SHISA9: variants seen among roughly 807,000 people sequenced by gnomAD.
SHISA9 encodes shisa family member 9, also known as protein shisa-9.
Under a neutral mutation model 38.0 loss-of-function variants are expected in SHISA9, and 13 were observed. The observed-to-expected ratio is 0.34, with a 90% CI of 0.22 to 0.54. The LOEUF is 0.54. SHISA9 is among the 20% of genes least tolerant of loss of function. The pLI is 0.91. For missense variants in SHISA9, 538 were observed against 575.8 expected (o/e 0.93, Z 0.67); for synonymous variants, 275 against 242.0 (o/e 1.14, Z -1.27).
At position 12,909,051 on chromosome 16, in the gene SHISA9, TC is replaced by T. The variant is rs771344379; in HGVS notation, c.563+6425del. 3 of 997,510 alleles carry T rather than the reference TC, an allele frequency of 3.0e-6. No individual in the cohort carries two copies. In the East Asian group the frequency reaches 3.3e-4, roughly 108 times the overall value. 61.8% of individuals were successfully genotyped at this position (997,510 alleles called of 1,614,324 possible). A position where few individuals can be genotyped will look rare whatever the true frequency, so the allele number is the denominator to read the frequency against. Reference sequence around the variant, plus strand: ...CAGTTTCTCTCCTGCCTCTCATCTTTCTATGCATTTGTGGTTATCCTAAGGC... The same window carrying T: ...CAGTTTCTCTCCTGCCTCTCATCTTTTATGCATTTGTGGTTATCCTAAGGC... On this transcript the variant is annotated intron_variant, in intron 1 of 4. Transcript: ENST00000558583.
intron 2 of SHISA9, among the ~76,000 whole-genome samples, chr16:13,183,975 C>A (rs115221168): frequency 6.9e-4 from 105 of 152,124 alleles, no homozygotes; most frequent in African/African-American, 2.4e-3. Flanking sequence ...TTATTACTGG[C>A]AGTTTCTTAT....
At chr16:13,078,998 C>T (rs987954614) in intron 2 of SHISA9, among the ~76,000 whole-genome samples, 1 of 152,202 alleles carries the variant, frequency 6.6e-6, no homozygotes, top group African/African-American at 2.4e-5. Context: ...GCCAGACAGC[C>T]TGGGTTTGAA....
chr16:12,970,861 G>C (rs923320226), intron 2 of SHISA9, among the ~76,000 whole-genome samples: 1 of 152,020 alleles, frequency 6.6e-6, no homozygotes, highest in Non-Finnish European at 1.5e-5. Flanking sequence ...AAGAATGTAA[G>C]CCCATGAGGC....
chr16:13,064,849 G>A (rs1020837922), intron 2 of SHISA9, among the ~76,000 whole-genome samples: 18 of 152,022 alleles, frequency 1.2e-4, no homozygotes, highest in African/African-American at 4.3e-4. Context: ...CACCAGAGTG[G>A]GATATAAACC....
At chr16:13,213,775 G>C (rs1484156400) in intron 4 of SHISA9, among the ~76,000 whole-genome samples, 1 of 152,182 alleles carries the variant, frequency 6.6e-6, no homozygotes, top group African/African-American at 2.4e-5. Flanking sequence ...GGACAGCGTG[G>C]TGAGCAGAGA....
chr16:13,472,291 G>T, the SHISA9 span, among the ~76,000 whole-genome samples: 5 of 147,598 alleles, frequency 3.4e-5, no homozygotes, highest in African/African-American at 1.0e-4. Context: ...TTTCTCCTCT[G>T]TCCCCTCATT....
the SHISA9 span, among the ~76,000 whole-genome samples, chr16:13,287,110 A>G: frequency 2.0e-5 from 3 of 152,182 alleles, no homozygotes; most frequent in Non-Finnish European, 4.4e-5. Context: ...GGAAAATGTA[A>G]GTACGTTATT....
At chr16:12,990,113 T>C (rs752620361) in intron 2 of SHISA9, among the ~76,000 whole-genome samples, 2 of 152,180 alleles carry the variant, frequency 1.3e-5, no homozygotes, top group Non-Finnish European at 2.9e-5. Flanking sequence ...CGTGATCTCA[T>C]TTCTTTTTTA....
At chr16:13,277,628 T>G in the SHISA9 span, among the ~76,000 whole-genome samples, 2 of 151,982 alleles carry the variant, frequency 1.3e-5, no homozygotes, top group Non-Finnish European at 2.9e-5. Flanking sequence ...TGTAGAGGTT[T>G]TCGGACTCCT....
intron 2 of SHISA9, among the ~76,000 whole-genome samples, chr16:12,942,676 T>C (rs1280709644): frequency 6.6e-6 from 1 of 152,226 alleles, no homozygotes; most frequent in South Asian, 2.1e-4. Context: ...ATGAGAACAA[T>C]GTAGTTGACC....
intron 4 of SHISA9, among the ~76,000 whole-genome samples, chr16:13,221,136 G>A (rs1355074676): frequency 6.6e-6 from 1 of 152,162 alleles, no homozygotes; most frequent in Non-Finnish European, 1.5e-5. Flanking sequence ...TTCTCTCTTA[G>A]AGCAATATGG....
At chr16:13,385,287 C>A in the SHISA9 span, among the ~76,000 whole-genome samples, 2 of 152,230 alleles carry the variant, frequency 1.3e-5, no homozygotes, top group South Asian at 4.1e-4. Flanking sequence ...CAATTGTATT[C>A]TTGGGCATAT....
chr16:13,558,564 T>C, the SHISA9 span, among the ~76,000 whole-genome samples: 1 of 152,216 alleles, frequency 6.6e-6, no homozygotes, highest in Admixed American at 6.5e-5. Flanking sequence ...ATGTAACATA[T>C]ACTGATTCAC....
chr16:13,515,837 A>G, the SHISA9 span, among the ~76,000 whole-genome samples: 1 of 152,234 alleles, frequency 6.6e-6, no homozygotes, highest in Non-Finnish European at 1.5e-5. Flanking sequence ...AAAATCCAAG[A>G]TTAGGAATAT....
chr16:13,529,960 TAC>T, the SHISA9 span, among the ~76,000 whole-genome samples: 31 of 152,320 alleles, frequency 2.0e-4, no homozygotes, highest in African/African-American at 7.5e-4. Flanking sequence ...AGCAGAAGCT[TAC>T]TACAGACTTT....
chr16:13,414,890 C>T, the SHISA9 span, among the ~76,000 whole-genome samples: 1 of 152,124 alleles, frequency 6.6e-6, no homozygotes, highest in Non-Finnish European at 1.5e-5. Flanking sequence ...GCCTTGGCCT[C>T]CCAAAGTGCT....
the SHISA9 span, among the ~76,000 whole-genome samples, chr16:13,421,874 C>A: frequency 6.6e-6 from 1 of 152,144 alleles, no homozygotes; most frequent in Non-Finnish European, 1.5e-5. Context: ...ATGCTTCCAG[C>A]CACACTAAAA....
rs545676676 is a variant in SHISA9, at chr16:13,221,111, C to T, written c.895+7811C>T. Among the ~76,000 whole-genome samples, 27 of 152,044 alleles carry T rather than the reference C, an allele frequency of 1.8e-4. No homozygotes were observed. In the Middle Eastern group the frequency reaches 0.014, roughly 77 times the overall value. On this transcript the variant is annotated intron_variant, in intron 4 of 4. Transcript: ENST00000558583. ...ACTAAAAAAGGGCCAGGCTCCTGGA[C>T]GCCTTTTTCCGGTTTTCTCTCTTAG...
chr16:12,963,173 G>T (rs973879173), intron 2 of SHISA9, among the ~76,000 whole-genome samples: 1 of 152,184 alleles, frequency 6.6e-6, no homozygotes, highest in African/African-American at 2.4e-5. Flanking sequence ...AGTGCCATTT[G>T]TTCTTAGTTG....
Sources: allele counts gnomAD v4.1 joint callset (sites outside exome capture counted in the v4.1 genomes callset), GRCh38; gene constraint gnomAD v4.1.1; transcripts MANE v1.5; gene names NCBI Gene and HGNC (gene_info 2026-07-23, HGNC 2026-07-21).